Variants in CASTOR2 observed in about 807,000 individuals in gnomAD.
CASTOR2 encodes GATS protein like 2.
Under a neutral mutation model 31.2 loss-of-function variants are expected in CASTOR2, and 8 were observed. The ratio of observed to expected loss-of-function variants is 0.26; its 90% CI spans 0.15 to 0.46. CASTOR2 has a LOEUF of 0.46. Among genes scored for constraint, CASTOR2 ranks in the 20% least tolerant of loss-of-function variants. The pLI, the probability that CASTOR2 is intolerant of heterozygous loss-of-function variation, is 0.99. For missense variants in CASTOR2, 216 were observed against 382.1 expected, an observed-to-expected ratio of 0.57 and a Z score of 3.62; for synonymous variants, 162 against 158.7, an observed-to-expected ratio of 1.02 and a Z score of -0.16.
At chr7:75,003,359 G>A (rs1179689666) in intron 1 of CASTOR2, among the ~76,000 whole-genome samples, 1 of 151,980 alleles carries the variant, frequency 6.6e-6, no homozygotes, top group African/African-American at 2.4e-5. Flanking sequence ...GCTGAGCTAG[G>A]AGGATTGCTT....
Position 75,028,034 on chromosome 7 carries a change from AGAG to A in CASTOR2, c.*3339_*3341del. ...TGCCGTCCATCCCCCGGAGGTAATC[AGAG>A]GAGTGGGCCTGTTGTCTTGGCGCTG... is the stretch of plus-strand genomic sequence containing the variant. On this transcript the variant is annotated 3_prime_UTR_variant, in exon 9 of 9. Coordinates refer to ENST00000616305, the MANE Select transcript of CASTOR2 (RefSeq NM_001145064.3). 12 of 1,534,544 alleles carry A rather than the reference AGAG, an allele frequency of 7.8e-6. No individual in the cohort carries two copies. Among genetic ancestry groups the A allele is most frequent in the Non-Finnish European group, 1.0e-5 (12 of 1,146,666 alleles).
In CASTOR2 at chr7:75,008,208, G is replaced by A. The variant is rs1804648393; in HGVS notation, c.184+144G>A. On this transcript the variant is annotated intron_variant, in intron 2 of 8. Transcript: ENST00000616305. ...TACTTCTGCCCTCATCTGCTGGTCA[G>A]CTGGAAAAACAGCAGAGTGTATTTC... 4 of 1,132,988 alleles carry A rather than the reference G, an allele frequency of 3.5e-6. No individual in the cohort carries two copies. In the East Asian group the frequency reaches 7.1e-5, roughly 20 times the overall value. 70.2% of individuals were successfully genotyped at this position (1,132,988 alleles called of 1,614,324 possible). A position where few individuals can be genotyped will look rare whatever the true frequency, so the allele number is the denominator to read the frequency against.
intron 1 of CASTOR2, among the ~76,000 whole-genome samples, chr7:75,000,290 C>CA (rs1804463090): frequency 6.6e-6 from 1 of 152,152 alleles, no homozygotes; most frequent in South Asian, 2.1e-4. Context: ...AGCAGGGAGG[C>CA]AGCCAGAAGT....
chr7:75,002,061 A>G (rs1355867547), intron 1 of CASTOR2, among the ~76,000 whole-genome samples: 2 of 152,202 alleles, frequency 1.3e-5, no homozygotes, highest in Non-Finnish European at 2.9e-5. Flanking sequence ...GCTGGTGTTG[A>G]TCAGGCAGGG....
chr7:75,002,205 T>C (rs1159987466), intron 1 of CASTOR2, among the ~76,000 whole-genome samples: 11 of 150,664 alleles, frequency 7.3e-5, no homozygotes, highest in African/African-American at 2.7e-4. Context: ...GGATTACAGG[T>C]ATGAGCCACC....
intron 1 of CASTOR2, among the ~76,000 whole-genome samples, chr7:74,999,653 C>T (rs1415001291): frequency 8.8e-6 from 1 of 113,488 alleles, no homozygotes; most frequent in Non-Finnish European, 1.6e-5. Context: ...GAATCTCGCT[C>T]TGTCTCCAAG....
At chr7:75,005,975 C>A (rs1193658550) in intron 1 of CASTOR2, among the ~76,000 whole-genome samples, 1 of 152,142 alleles carries the variant, frequency 6.6e-6, no homozygotes, top group Non-Finnish European at 1.5e-5. Flanking sequence ...ACTAAAAATA[C>A]AAAAATTAGC....
chr7:74,987,804 G>A (rs1804107903), intron 1 of CASTOR2, among the ~76,000 whole-genome samples: 1 of 152,120 alleles, frequency 6.6e-6, no homozygotes, highest in East Asian at 1.9e-4. Context: ...CACCTCCCAG[G>A]TTCAGGCAAT....
chr7:75,001,880 C>CT (rs1804505559), intron 1 of CASTOR2, among the ~76,000 whole-genome samples: 1 of 152,078 alleles, frequency 6.6e-6, no homozygotes, highest in African/African-American at 2.4e-5. Flanking sequence ...CTGCACAACT[C>CT]TAAGGGCATA....
At chr7:74,974,337 A>T (rs1431825865) in intron 1 of CASTOR2, among the ~76,000 whole-genome samples, 3 of 149,622 alleles carry the variant, frequency 2.0e-5, no homozygotes, top group African/African-American at 7.4e-5. Context: ...GCAGGGCCTG[A>T]TAGGAAGCGC....
chr7:75,022,943 A>G (rs1466001204), intron 7 of CASTOR2, among the ~76,000 whole-genome samples: 2 of 152,254 alleles, frequency 1.3e-5, no homozygotes, highest in East Asian at 1.9e-4. Flanking sequence ...ACGTAAATAC[A>G]TGTAATTGTC....
chr7:75,000,352 TC>T (rs1804464737), intron 1 of CASTOR2, among the ~76,000 whole-genome samples: 1 of 152,104 alleles, frequency 6.6e-6, no homozygotes, highest in South Asian at 2.1e-4. Flanking sequence ...GAGGCCCTGA[TC>T]CCTTCATTCC....
rs1197874594 is a variant in CASTOR2, at chr7:74,974,299, G to GAAACC, written c.113+9202_113+9206dup. On this transcript the variant is annotated intron_variant, in intron 1 of 8. Transcript: ENST00000616305. ...CAAATTGGTATGCTCTGTTCACTGAGAAACCCCGCAGTGTATACCTGCTGT... is the reference window on the plus strand; with the variant it reads ...CAAATTGGTATGCTCTGTTCACTGAGAAACCAAACCCCGCAGTGTATACCTGCTGT... Among the ~76,000 whole-genome samples the GAAACC allele has an allele frequency of 3.4e-5, 5 of 148,580 alleles. 1 individual carries two copies. The highest frequency in any genetic ancestry group is 6.8e-5 in the Admixed American group (1 of 14,784).
At chr7:75,008,726 T>G (rs1163528525) in intron 2 of CASTOR2, among the ~76,000 whole-genome samples, 1 of 152,048 alleles carries the variant, frequency 6.6e-6, no homozygotes, top group Non-Finnish European at 1.5e-5. Context: ...GAAAAGTGTC[T>G]AGCTGGCAAG....
Position 75,017,697 on chromosome 7 carries a change from G to C in CASTOR2, c.284G>C (p.Gly95Ala). The change falls in exon 3 of 9, where the codon GGC becomes GCC. Residue 95 changes from glycine to alanine, a missense_variant. This residue lies in a region of CASTOR2 where 114 missense variants were observed against 194.2 expected (regional missense o/e 0.59). Coordinates refer to ENST00000616305, the MANE Select transcript of CASTOR2 (RefSeq NM_001145064.3). ...GGSFSSSQPI[G>A]VTKIAKSVIA... ...AGCTTCTCCAGCTCCCAGCCCATCG[G>C]CGTGACCAAGATCGCCAAGTCAGTC... is the stretch of plus-strand genomic sequence containing the variant. The C allele has an allele frequency of 6.2e-7, 1 of 1,614,012 alleles. No individual in the cohort carries two copies. Among genetic ancestry groups the C allele is most frequent in the Non-Finnish European group, 8.5e-7 (1 of 1,179,872 alleles).
chr7:74,999,149 C>G (rs1804428849), intron 1 of CASTOR2, among the ~76,000 whole-genome samples: 1 of 152,028 alleles, frequency 6.6e-6, no homozygotes, highest in African/African-American at 2.4e-5. Flanking sequence ...GCGCCCGCCA[C>G]CATGCCCAGC....
chr7:75,008,145 C>T, intron 2 of CASTOR2, 81 bp downstream of exon 2: 3 of 1,456,642 alleles, frequency 2.1e-6, no homozygotes, highest in Non-Finnish European at 2.8e-6. Flanking sequence ...ATTTCTGTCC[C>T]CCGCCCACCT....
In CASTOR2 at chr7:75,026,673, T is replaced by A. The variant is rs1805141338; in HGVS notation, c.*1974T>A. ...AATTAGAAACCAACTTTTTTTTTTTTAAGTTAATTTGTTTTGCACAAAACT... is the reference window on the plus strand; with the variant it reads ...AATTAGAAACCAACTTTTTTTTTTTAAAGTTAATTTGTTTTGCACAAAACT... On this transcript the variant is annotated 3_prime_UTR_variant, in exon 9 of 9. Coordinates refer to ENST00000616305, the MANE Select transcript of CASTOR2 (RefSeq NM_001145064.3). 6.6e-6 allele frequency among the ~76,000 whole-genome samples: 1 copy of A among 152,168 alleles called. No individual in the cohort carries two copies. Among genetic ancestry groups the A allele is most frequent in the Admixed American group, 6.5e-5 (1 of 15,270 alleles).
intron 1 of CASTOR2, among the ~76,000 whole-genome samples, chr7:75,005,401 T>C (rs1275399100): frequency 2.0e-5 from 3 of 152,342 alleles, no homozygotes; most frequent in African/African-American, 7.2e-5. Flanking sequence ...GATCTACCCA[T>C]GTTAATGCAC....
Sources: gnomAD v4.1 joint callset for allele counts (sites outside exome capture counted in the v4.1 genomes callset) on GRCh38, gnomAD v4.1.1 for gene constraint, gnomAD v4.1.1 regional missense constraint, MANE v1.5 for transcripts, NCBI Gene and HGNC (gene_info 2026-07-23, HGNC 2026-07-21) for gene names.